DNM3: variants seen among roughly 807,000 people sequenced by gnomAD.
DNM3 encodes dynamin 3, also known as dynamin-3.
In DNM3, 47 loss-of-function variants were observed where a neutral mutation model predicts 101.6. The observed-to-expected ratio is 0.46, with a 90% CI of 0.37 to 0.59. The LOEUF is 0.59. Ranked by LOEUF, DNM3 falls within the 20% of genes least tolerant of loss-of-function variation. The pLI is 0.00. For missense variants in DNM3, 849 were observed against 1,085.7 expected (o/e 0.78, Z 3.06); for synonymous variants, 385 against 387.9 (o/e 0.99, Z 0.09).
chr1:172,083,558 A>G (rs1320991452), intron 12 of DNM3, among the ~76,000 whole-genome samples: 1 of 152,348 alleles, frequency 6.6e-6, no homozygotes, highest in Admixed American at 6.5e-5. Context: ...CTTAAAAGTG[A>G]AAAGGATGCT....
At chr1:172,381,768 T>C (rs1160109883) in intron 18 of DNM3, among the ~76,000 whole-genome samples, 3 of 152,112 alleles carry the variant, frequency 2.0e-5, no homozygotes, top group Non-Finnish European at 4.4e-5. Context: ...AGAAAACTAG[T>C]CTTTTGACTC....
At chr1:172,000,172 A>G (rs765916109) in intron 4 of DNM3, among the ~76,000 whole-genome samples, 4 of 152,064 alleles carry the variant, frequency 2.6e-5, no homozygotes, top group Non-Finnish European at 4.4e-5. Flanking sequence ...GCAGTGGTGA[A>G]TAGGAGGGAA....
chr1:171,913,379 A>G (rs373058634), intron 1 of DNM3, among the ~76,000 whole-genome samples: 2 of 152,236 alleles, frequency 1.3e-5, no homozygotes. Flanking sequence ...AGTAGCTGAC[A>G]GCATCAAAAT....
At chr1:172,383,510 T>C (rs2069029563) in intron 18 of DNM3, among the ~76,000 whole-genome samples, 1 of 152,124 alleles carries the variant, frequency 6.6e-6, no homozygotes, top group South Asian at 2.1e-4. Context: ...TTAATACATG[T>C]ATTGTGTGAA....
At position 171,854,938 on chromosome 1, in the gene DNM3, C is replaced by T. The variant is rs531820641; in HGVS notation, c.161+13121C>T. ...TGTGCAGGTTTGTTTTATAGGTAAA[C>T]TTGTGTCATGGGGGCTTGTTGTACA... On this transcript the variant is annotated intron_variant, in intron 1 of 20. Transcript: ENST00000627582. 2.7e-4 allele frequency among the ~76,000 whole-genome samples: 41 copies of T among 152,164 alleles called. No homozygotes were observed. In the South Asian group the frequency reaches 6.8e-3, roughly 25 times the overall value.
At chr1:171,848,330 T>C (rs1308448742) in intron 1 of DNM3, among the ~76,000 whole-genome samples, 1 of 152,130 alleles carries the variant, frequency 6.6e-6, no homozygotes, top group Non-Finnish European at 1.5e-5. Flanking sequence ...CCATACAGAA[T>C]AGTGGAGACA....
intron 14 of DNM3, among the ~76,000 whole-genome samples, chr1:172,152,466 G>T (rs951623153): frequency 6.6e-6 from 1 of 152,068 alleles, no homozygotes. Flanking sequence ...TTTGTCTTCA[G>T]ATCATAAAAT....
At chr1:171,954,771 C>T (rs2042747867) in intron 2 of DNM3, among the ~76,000 whole-genome samples, 1 of 152,166 alleles carries the variant, frequency 6.6e-6, no homozygotes, top group Admixed American at 6.5e-5. Flanking sequence ...TTAATGAAAA[C>T]ATATTTTCAC....
At chr1:171,901,825 C>A (rs911698995) in intron 1 of DNM3, among the ~76,000 whole-genome samples, 2 of 152,144 alleles carry the variant, frequency 1.3e-5, no homozygotes, top group Admixed American at 1.3e-4. Flanking sequence ...AAAATTTTGG[C>A]AATTAAAGTG....
intron 13 of DNM3, among the ~76,000 whole-genome samples, chr1:172,095,357 G>T (rs1367684606): frequency 6.6e-6 from 1 of 152,028 alleles, no homozygotes; most frequent in Non-Finnish European, 1.5e-5. Context: ...AATTTGCTAA[G>T]AAAAAAGCTT....
intron 15 of DNM3, among the ~76,000 whole-genome samples, chr1:172,265,590 C>T (rs933581768): frequency 2.6e-5 from 4 of 152,200 alleles, no homozygotes; most frequent in African/African-American, 9.7e-5. Flanking sequence ...TTTTAGTTAA[C>T]AGACTCCTAA....
intron 14 of DNM3, among the ~76,000 whole-genome samples, chr1:172,198,367 T>C (rs775157228): frequency 6.6e-6 from 1 of 152,182 alleles, no homozygotes; most frequent in Non-Finnish European, 1.5e-5. Flanking sequence ...GATATTGACC[T>C]GAAGTTTTCT....
At chr1:172,247,416 T>C (rs2061994964) in intron 14 of DNM3, among the ~76,000 whole-genome samples, 1 of 152,170 alleles carries the variant, frequency 6.6e-6, no homozygotes, top group African/African-American at 2.4e-5. Context: ...ATAAGTACTC[T>C]CTGCAACATA....
chr1:172,138,441 A>C (rs1199765917), intron 14 of DNM3: 2 of 151,656 alleles, frequency 1.3e-5, no homozygotes, highest in African/African-American at 4.8e-5. Context: ...TTCTTTGTTA[A>C]GCATCAGACT....
intron 18 of DNM3, chr1:172,380,754 A>C (rs2068850728): frequency 6.6e-6 from 1 of 152,060 alleles, no homozygotes; most frequent in South Asian, 2.1e-4. Context: ...TTCTTCATTT[A>C]CTTAAATGAA....
At chr1:172,167,275 T>C (rs1362518867) in intron 14 of DNM3, among the ~76,000 whole-genome samples, 1 of 152,140 alleles carries the variant, frequency 6.6e-6, no homozygotes, top group African/African-American at 2.4e-5. Context: ...CTGCATAGTA[T>C]TCCATGGTGT....
intron 14 of DNM3, among the ~76,000 whole-genome samples, chr1:172,187,561 A>G (rs781101210): frequency 8.6e-5 from 13 of 151,942 alleles, no homozygotes; most frequent in Non-Finnish European, 1.6e-4. Context: ...CTATTCAATG[A>G]GACTATATTT....
intron 4 of DNM3, among the ~76,000 whole-genome samples, chr1:172,025,433 G>T (rs1214863907): frequency 6.6e-6 from 1 of 152,208 alleles, no homozygotes; most frequent in African/African-American, 2.4e-5. Flanking sequence ...GGATCTCTTA[G>T]CACAGCATTC....
intron 2 of DNM3, among the ~76,000 whole-genome samples, chr1:171,958,683 C>T (rs774343996): frequency 6.6e-5 from 10 of 152,072 alleles, no homozygotes; most frequent in Non-Finnish European, 1.0e-4. Flanking sequence ...TGGGGTGTGA[C>T]TGTGGAGTAA....
Sources: allele counts gnomAD v4.1 joint callset (sites outside exome capture counted in the v4.1 genomes callset), GRCh38; gene constraint gnomAD v4.1.1; transcripts MANE v1.5; gene names NCBI Gene and HGNC (gene_info 2026-07-23, HGNC 2026-07-21).